MATN2: variants seen among roughly 807,000 people sequenced by gnomAD.
The protein encoded by MATN2 is matrilin-2.
Under a neutral mutation model 103.2 loss-of-function variants are expected in MATN2, and 69 were observed. That is an observed-to-expected ratio of 0.67 (90% CI 0.55 to 0.82). MATN2 has a LOEUF of 0.82. MATN2 is among the 40% of genes least tolerant of loss of function. The probability of loss-of-function intolerance (pLI) is 0.00; values close to 1 mark genes in which losing one functional copy is unlikely to be tolerated. For synonymous variants in MATN2, 429 were observed against 450.2 expected (o/e 0.95, Z 0.60); for missense variants, 1,023 against 1,211.5 (o/e 0.84, Z 2.31).
At chr8:98,000,604 A>AAAAAAAG (rs1390825498) in intron 7 of MATN2, among the ~76,000 whole-genome samples, 2 of 127,208 alleles carry the variant, frequency 1.6e-5, no homozygotes, top group African/African-American at 3.0e-5. Flanking sequence ...CTCAAAAAAA[A>AAAAAAAG]AAAAAAGAAA....
intron 2 of MATN2, among the ~76,000 whole-genome samples, chr8:97,899,605 C>T (rs890240291): frequency 1.3e-5 from 2 of 152,156 alleles, no homozygotes; most frequent in Non-Finnish European, 2.9e-5. Flanking sequence ...TCCAGACTTC[C>T]TCTTCTTATA....
At chr8:97,899,604 C>T (rs1353305231) in intron 2 of MATN2, among the ~76,000 whole-genome samples, 1 of 152,170 alleles carries the variant, frequency 6.6e-6, no homozygotes, top group Non-Finnish European at 1.5e-5. Flanking sequence ...GTCCAGACTT[C>T]CTCTTCTTAT....
chr8:97,911,705 C>T (rs1309087046), intron 2 of MATN2, among the ~76,000 whole-genome samples: 1 of 146,184 alleles, frequency 6.8e-6, no homozygotes, highest in Admixed American at 6.8e-5. Context: ...GACTCTGTCT[C>T]AAAAAAAAAA....
At chr8:97,995,073 G>C (rs1419864255) in intron 7 of MATN2, among the ~76,000 whole-genome samples, 3 of 152,196 alleles carry the variant, frequency 2.0e-5, no homozygotes, top group Non-Finnish European at 2.9e-5. Context: ...CAATATTCAA[G>C]GGGTACAGGG....
chr8:97,994,613 G>T lies in MATN2; in HGVS notation c.1204+11G>T. On this transcript the variant is annotated intron_variant, in intron 7 of 18. Coordinates refer to ENST00000254898, the MANE Select transcript of MATN2 (RefSeq NM_002380.5). ...AGAAAACCTGCAGAAGTAAGTTACA[G>T]TGGGAGTTGGAGAAGGGCTTGTTCT... 1 of 1,608,060 alleles carries T rather than the reference G, an allele frequency of 6.2e-7. No homozygotes were observed. Among genetic ancestry groups the T allele is most frequent in the Non-Finnish European group, 8.5e-7 (1 of 1,178,324 alleles).
intron 7 of MATN2, among the ~76,000 whole-genome samples, chr8:97,999,163 G>A (rs778016974): frequency 6.6e-6 from 1 of 152,184 alleles, no homozygotes; most frequent in African/African-American, 2.4e-5. Flanking sequence ...GTTGTAGGAC[G>A]TGTCAGAATT....
intron 2 of MATN2, among the ~76,000 whole-genome samples, chr8:97,897,867 C>CA (rs757022402): frequency 2.6e-5 from 4 of 152,086 alleles, no homozygotes; most frequent in Non-Finnish European, 5.9e-5. Context: ...TGGAAGAATC[C>CA]AAAAAGCACA....
intron 2 of MATN2, among the ~76,000 whole-genome samples, chr8:97,892,481 T>C (rs1818666411): frequency 6.7e-6 from 1 of 150,134 alleles, no homozygotes; most frequent in Non-Finnish European, 1.5e-5. Flanking sequence ...CTTGTAACGG[T>C]CTGGCTTCGT....
At chr8:97,972,459 T>C (rs1811691127) in intron 5 of MATN2, among the ~76,000 whole-genome samples, 1 of 152,210 alleles carries the variant, frequency 6.6e-6, no homozygotes, top group South Asian at 2.1e-4. Flanking sequence ...TCTGTGTGTG[T>C]GTGTCTAATG....
In MATN2 at chr8:98,021,312, G is replaced by C; in HGVS notation, c.1927G>C (p.Gly643Arg). 6.2e-7 allele frequency: 1 copy of C among 1,613,248 alleles called. No homozygotes were observed. Among genetic ancestry groups the C allele is most frequent in the Non-Finnish European group, 8.5e-7 (1 of 1,179,356 alleles). ...CSEGFVLAED[G>R]RRCKKCTEGP... is the part of the protein sequence containing the mutation. ...AGAGGGATTTGTTCTAGCTGAGGAC[G>C]GAAGACGGTGCAAGAGTAAGTGATC... is the stretch of plus-strand genomic sequence containing the variant. The change falls in exon 13 of 19, where the codon GGA (glycine) becomes CGA (arginine). Residue 643 changes from glycine (G) to arginine (R), a missense_variant. Transcript: ENST00000254898.
Position 97,961,501 on chromosome 8 carries a change from C to A in MATN2, c.929C>A (p.Ala310Asp), listed in dbSNP as rs2130258128. ...SFVCQCYSGYALAEDGKRCVA... is the reference protein window; with the variant it reads ...SFVCQCYSGYDLAEDGKRCVA... ...GTCTGCCAGTGCTACAGTGGCTACG[C>A]CCTGGCTGAGGATGGGAAGAGGTGT... The change falls in exon 5 of 19, where the codon GCC becomes GAC. Residue 310 changes from alanine to aspartate, a missense_variant. Ala to Asp is a moderately radical substitution (Grantham distance 126). Coordinates refer to ENST00000254898, the MANE Select transcript of MATN2 (RefSeq NM_002380.5). 6.2e-7 allele frequency: 1 copy of A among 1,613,438 alleles called. No individual in the cohort carries two copies. The highest frequency in any genetic ancestry group is 1.7e-5 in the Admixed American group (1 of 59,974).
chr8:98,007,000 C>T, intron 8 of MATN2, 105 bp from the exon 9 acceptor site: 1 of 1,249,162 alleles, frequency 8.0e-7, no homozygotes, highest in Non-Finnish European at 1.1e-6. Flanking sequence ...AGAATGACAC[C>T]TTCCCTGTGG....
intron 7 of MATN2, among the ~76,000 whole-genome samples, chr8:98,001,709 C>G (rs1812792484): frequency 6.6e-6 from 1 of 152,112 alleles, no homozygotes; most frequent in African/African-American, 2.4e-5. Flanking sequence ...AACTCCTGGC[C>G]TCAAGTGATC....
chr8:97,889,206 C>A (rs1314238232), intron 2 of MATN2, among the ~76,000 whole-genome samples: 1 of 151,846 alleles, frequency 6.6e-6, no homozygotes, highest in Non-Finnish European at 1.5e-5. Flanking sequence ...TCAGTGGCAT[C>A]CGAAATTACA....
At chr8:97,947,559 G>T (rs1432563687) in intron 4 of MATN2, among the ~76,000 whole-genome samples, 1 of 152,136 alleles carries the variant, frequency 6.6e-6, no homozygotes, top group Non-Finnish European at 1.5e-5. Context: ...TTTTAAAGAT[G>T]TGTATGATTT....
At chr8:98,021,650 A>T (rs915647735) in intron 13 of MATN2, among the ~76,000 whole-genome samples, 5 of 151,550 alleles carry the variant, frequency 3.3e-5, no homozygotes, top group Admixed American at 3.3e-4. Flanking sequence ...GTACTTTAGG[A>T]AAAAAGAGAT....
intron 2 of MATN2, among the ~76,000 whole-genome samples, chr8:97,927,591 AT>A (rs1327165759): frequency 2.0e-5 from 3 of 152,220 alleles, no homozygotes; most frequent in African/African-American, 7.2e-5. Context: ...CCAAGGACAC[AT>A]TTTGAAGAAA....
chr8:97,947,456 A>G (rs982937509), intron 4 of MATN2, among the ~76,000 whole-genome samples: 2 of 152,244 alleles, frequency 1.3e-5, no homozygotes, highest in African/African-American at 4.8e-5. Context: ...AAATTACTTC[A>G]TTGTATTTCT....
rs965966051 is a variant in MATN2 at position 98,005,378 on chromosome 8, G to A, written c.1327+1595G>A. 9.9e-5 allele frequency among the ~76,000 whole-genome samples: 15 copies of A among 152,150 alleles called. No individual in the cohort carries two copies. Among genetic ancestry groups the A allele is most frequent in the East Asian group, 5.8e-4 (3 of 5,192 alleles). ...GTGACCATGGATCTGTGTGTATCCT[G>A]CCTGTTTCCCGGAGTGTCAGGTCTG... On this transcript the variant is annotated intron_variant, in intron 8 of 18. Transcript: ENST00000254898. This position sits in a 1 kb window ranked among gnomAD's most constrained non-coding sequence, Gnocchi z 4.6.
Sources: gnomAD v4.1 joint callset for allele counts (sites outside exome capture counted in the v4.1 genomes callset) on GRCh38, gnomAD v4.1.1 for gene constraint, Gnocchi (gnomAD v3.1) non-coding constraint, MANE v1.5 for transcripts, NCBI Gene and HGNC (gene_info 2026-07-23, HGNC 2026-07-21) for gene names.